The following NBEA variants were observed in gnomAD, a reference collection of about 807,000 sequenced individuals.
NBEA encodes neurobeachin, also known as lysosomal-trafficking regulator 2.
In NBEA, 44 loss-of-function variants were observed where a neutral mutation model predicts 343.4. The ratio of observed to expected loss-of-function variants is 0.13; its 90% CI spans 0.10 to 0.16. NBEA has a LOEUF of 0.16. Ranked by LOEUF, NBEA falls within the 10% of genes least tolerant of loss-of-function variation. The pLI is 1.00. For synonymous variants in NBEA, 1,175 were observed against 1,238.7 expected (o/e 0.95, Z 1.08); for missense variants, 2,555 against 3,631.3 (o/e 0.70, Z 7.62).
At chr13:35,632,969 A>G (rs2083523355) in intron 49 of NBEA, among the ~76,000 whole-genome samples, 1 of 150,900 alleles carries the variant, frequency 6.6e-6, no homozygotes, top group Non-Finnish European at 1.5e-5. Context: ...TCACATGGGC[A>G]TCTCAGAATA....
At chr13:35,568,136 A>G (rs2080223202) in intron 45 of NBEA, among the ~76,000 whole-genome samples, 1 of 152,200 alleles carries the variant, frequency 6.6e-6, no homozygotes, top group African/African-American at 2.4e-5. Context: ...AGTATTAAGT[A>G]TTATTGTTAC....
chr13:35,232,017 C>T (rs1225570399), intron 33 of NBEA, among the ~76,000 whole-genome samples: 1 of 152,014 alleles, frequency 6.6e-6, no homozygotes, highest in Non-Finnish European at 1.5e-5. Context: ...ATGGAAAATG[C>T]CTACTTTGGC....
chr13:35,300,346 T>C (rs2036459660), intron 35 of NBEA, among the ~76,000 whole-genome samples: 1 of 152,068 alleles, frequency 6.6e-6, no homozygotes, highest in Non-Finnish European at 1.5e-5. Flanking sequence ...AAACAAGTAT[T>C]TTTTGAAATT....
intron 41 of NBEA, among the ~76,000 whole-genome samples, chr13:35,488,812 G>C (rs2076396918): frequency 6.6e-6 from 1 of 151,862 alleles, no homozygotes; most frequent in African/African-American, 2.4e-5. Context: ...TGAATATTCA[G>C]TATCACAGAG....
chr13:34,993,055 TGCATTCATTACTC>T (rs2060818710), intron 1 of NBEA, among the ~76,000 whole-genome samples: 1 of 152,126 alleles, frequency 6.6e-6, no homozygotes, highest in Non-Finnish European at 1.5e-5. Flanking sequence ...CTGCTACTGT[TGCATTCATTACTC>T]GCTCCTCTCT....
At chr13:35,164,030 C>T (rs1042454076) in intron 23 of NBEA, among the ~76,000 whole-genome samples, 2 of 151,878 alleles carry the variant, frequency 1.3e-5, no homozygotes, top group African/African-American at 4.8e-5. Context: ...TTTTGCCTTT[C>T]AACAAAAAAC....
intron 48 of NBEA, among the ~76,000 whole-genome samples, chr13:35,611,533 CCA>C (rs773961105): frequency 3.3e-5 from 5 of 152,092 alleles, no homozygotes; most frequent in Non-Finnish European, 7.4e-5. Context: ...ATGACCATCA[CCA>C]CAGTCTAATC....
intron 48 of NBEA, among the ~76,000 whole-genome samples, chr13:35,618,984 G>C (rs765083541): frequency 6.6e-6 from 1 of 151,926 alleles, no homozygotes. Flanking sequence ...CTCCAGTGTG[G>C]CTCTGCTCAT....
intron 48 of NBEA, among the ~76,000 whole-genome samples, chr13:35,621,912 T>C (rs143012893): frequency 6.6e-6 from 1 of 152,346 alleles, no homozygotes; most frequent in South Asian, 2.1e-4. Flanking sequence ...TTGGAAACAA[T>C]GAAGTGCTAA....
intron 47 of NBEA, among the ~76,000 whole-genome samples, chr13:35,601,927 C>G (rs2082074921): frequency 6.6e-6 from 1 of 152,128 alleles, no homozygotes; most frequent in African/African-American, 2.4e-5. Flanking sequence ...AAATTACCCA[C>G]CCAATCTTTA....
rs183389545 is a variant in NBEA, at chr13:34,947,972, T to A, written c.294+4858T>A. On this transcript the variant is annotated intron_variant, in intron 1 of 58. Coordinates refer to ENST00000379939, the MANE Select transcript of NBEA (RefSeq NM_001385012.1). ...ACTGGCATCTGTTAGTAAGTTCGAA[T>A]CTGGTAAAAACTTTTCAGTAAACTT... Among the ~76,000 whole-genome samples, 4 of 152,364 alleles carry A rather than the reference T, an allele frequency of 2.6e-5. No individual in the cohort carries two copies. In the East Asian group the frequency reaches 7.7e-4, roughly 29 times the overall value.
chr13:35,214,105 T>C lies in NBEA; in HGVS notation c.5648+2926T>C, dbSNP rs188708839. ...TCTATTCCTTTTTATTGGTAGGTAT[T>C]ATCCCATTATATGGCTATTAATAAT... On this transcript the variant is annotated intron_variant, in intron 33 of 58. Coordinates refer to ENST00000379939, the MANE Select transcript of NBEA (RefSeq NM_001385012.1). Among the ~76,000 whole-genome samples, 12 of 152,076 alleles carry C rather than the reference T, an allele frequency of 7.9e-5. No individual in the cohort carries two copies. In the East Asian group the frequency reaches 2.3e-3, roughly 29 times the overall value.
At chr13:35,601,405 A>C (rs1417285590) in intron 47 of NBEA, among the ~76,000 whole-genome samples, 1 of 152,174 alleles carries the variant, frequency 6.6e-6, no homozygotes, top group Non-Finnish European at 1.5e-5. Context: ...GCAAGCATAC[A>C]ACAATAAATA....
chr13:35,322,661 C>T (rs1329672802), intron 36 of NBEA, among the ~76,000 whole-genome samples: 3 of 152,100 alleles, frequency 2.0e-5, no homozygotes, highest in Non-Finnish European at 2.9e-5. Context: ...GAGTTTCATA[C>T]GTGAAACATG....
chr13:35,036,843 C>T (rs1419607104), intron 1 of NBEA, among the ~76,000 whole-genome samples: 1 of 151,944 alleles, frequency 6.6e-6, no homozygotes, highest in Non-Finnish European at 1.5e-5. Context: ...TATTCTTGAC[C>T]TTTGGGCGCT....
chr13:35,013,187 A>G (rs2152535082), intron 1 of NBEA, among the ~76,000 whole-genome samples: 1 of 152,358 alleles, frequency 6.6e-6, no homozygotes, highest in South Asian at 2.1e-4. Flanking sequence ...GGTGCTTCTC[A>G]TAGAATGGTC....
chr13:35,388,500 T>C (rs2042355386), intron 38 of NBEA, among the ~76,000 whole-genome samples: 2 of 152,184 alleles, frequency 1.3e-5, no homozygotes, highest in Non-Finnish European at 2.9e-5. Flanking sequence ...TAATATGTTA[T>C]CTATTTTTTA....
intron 58 of NBEA, among the ~76,000 whole-genome samples, chr13:35,669,675 C>A (rs1338260747): frequency 6.6e-6 from 1 of 152,176 alleles, no homozygotes; most frequent in Non-Finnish European, 1.5e-5. Context: ...TGTTTGTAAG[C>A]AGTTTCAATA....
At chr13:35,157,341 C>T in intron 21 of NBEA, 71 bp downstream of exon 21, 1 of 1,142,220 alleles carries the variant, frequency 8.8e-7, no homozygotes, top group Non-Finnish European at 1.2e-6. Flanking sequence ...AAACATGCAT[C>T]TGGTGCCATC....
Sources: gnomAD v4.1 joint callset for allele counts (sites outside exome capture counted in the v4.1 genomes callset) on GRCh38, gnomAD v4.1.1 for gene constraint, MANE v1.5 for transcripts, NCBI Gene and HGNC (gene_info 2026-07-23, HGNC 2026-07-21) for gene names.